OTUD7A: variants seen among roughly 807,000 people sequenced by gnomAD.
The protein encoded by OTUD7A is OTU deubiquitinase 7A, also known as OTU domain-containing protein 7A.
In OTUD7A, 12 loss-of-function variants were observed where a neutral mutation model predicts 65.7. The observed-to-expected ratio is 0.18, with a 90% CI of 0.12 to 0.30. The LOEUF (loss-of-function observed/expected upper bound fraction) is 0.30, where lower values mean the gene tolerates loss of function less well. OTUD7A is among the 10% of genes least tolerant of loss of function. The pLI is 1.00. For synonymous variants in OTUD7A, 641 were observed against 586.3 expected, an observed-to-expected ratio of 1.09 and a Z score of -1.35; for missense variants, 1,148 against 1,304.8, an observed-to-expected ratio of 0.88 and a Z score of 1.85.
At chr15:31,867,804 G>C (rs1262148756) in intron 1 of OTUD7A, among the ~76,000 whole-genome samples, 1 of 152,128 alleles carries the variant, frequency 6.6e-6, no homozygotes, top group East Asian at 1.9e-4. Context: ...CTCTGCTAGG[G>C]AGGCCTACAT....
intron 1 of OTUD7A, among the ~76,000 whole-genome samples, chr15:31,833,043 C>T (rs1457028397): frequency 6.6e-6 from 1 of 152,220 alleles, no homozygotes; most frequent in Non-Finnish European, 1.5e-5. Context: ...AGGGCTCCAA[C>T]TTCCCCAATT....
chr15:31,512,321 G>A (rs1415134098), intron 8 of OTUD7A, among the ~76,000 whole-genome samples: 5 of 152,094 alleles, frequency 3.3e-5, no homozygotes, highest in Non-Finnish European at 5.9e-5. Flanking sequence ...AGAGGAGCAC[G>A]CTCCCTTATG....
chr15:31,838,279 A>T (rs1019048372), intron 1 of OTUD7A, among the ~76,000 whole-genome samples: 1 of 152,238 alleles, frequency 6.6e-6, no homozygotes, highest in East Asian at 1.9e-4. Context: ...ATTGGACTTC[A>T]GCAACATTTA....
intron 1 of OTUD7A, among the ~76,000 whole-genome samples, chr15:31,679,545 T>C (rs1479734075): frequency 6.6e-6 from 1 of 152,060 alleles, no homozygotes; most frequent in Non-Finnish European, 1.5e-5. Context: ...GTTCTCATGA[T>C]AGTGAATGAG....
At chr15:31,849,803 C>T (rs1013201124) in intron 1 of OTUD7A, among the ~76,000 whole-genome samples, 6 of 152,180 alleles carry the variant, frequency 3.9e-5, no homozygotes, top group African/African-American at 1.4e-4. Context: ...TGAAAAAATG[C>T]TCATCATCAC....
chr15:31,753,460 C>G (rs1209865908), intron 1 of OTUD7A, among the ~76,000 whole-genome samples: 2 of 151,660 alleles, frequency 1.3e-5, no homozygotes, highest in Non-Finnish European at 2.9e-5. Flanking sequence ...CCTTCCCACT[C>G]TTTCCCCAAG....
chr15:31,677,197 A>G (rs1892612937), intron 1 of OTUD7A, among the ~76,000 whole-genome samples: 2 of 152,208 alleles, frequency 1.3e-5, no homozygotes, highest in Admixed American at 6.5e-5. Context: ...GATTCAGCAG[A>G]GAGTCAGTGA....
Position 31,522,100 on chromosome 15 carries a change from T to G in OTUD7A, c.893+4249A>C, listed in dbSNP as rs115744247. ...GGTTCTGGCTTTGTGTCTTTCAGGC[T>G]GTGGGACATTGGAAGCTAACCTGTG... On this transcript the variant is annotated intron_variant, in intron 8 of 12. Transcript: ENST00000307050. Among the ~76,000 whole-genome samples the G allele has an allele frequency of 5.2e-3, 792 of 152,336 alleles. 7 individuals are homozygous for G. Among genetic ancestry groups the G allele is most frequent in the African/African-American group, 0.018 (764 of 41,580 alleles).
In OTUD7A at chr15:31,479,089, C is replaced by G. The variant is rs1014160298; in HGVS notation, c.*4205G>C. ...GTCAGGAGTAAATGGGAAGGTGGTG[C>G]CTCAGATCTCTAGAGAGCCACCACT... On this transcript the variant is annotated 3_prime_UTR_variant, in exon 13 of 13. Transcript: ENST00000307050. 6.6e-6 allele frequency: 1 copy of G among 152,250 alleles called. No individual in the cohort carries two copies. Among genetic ancestry groups the G allele is most frequent in the Non-Finnish European group, 1.5e-5 (1 of 68,114 alleles). 9.4% of individuals were successfully genotyped at this position (152,250 alleles called of 1,614,324 possible). A position where few individuals can be genotyped will look rare whatever the true frequency, so the allele number is the denominator to read the frequency against.
At chr15:31,559,753 A>G (rs1186498436) in intron 4 of OTUD7A, among the ~76,000 whole-genome samples, 1 of 152,220 alleles carries the variant, frequency 6.6e-6, no homozygotes, top group African/African-American at 2.4e-5. Flanking sequence ...ATGTATTTGC[A>G]CACACAAATA....
intron 3 of OTUD7A, among the ~76,000 whole-genome samples, chr15:31,591,551 T>C (rs1889724570): frequency 6.6e-6 from 1 of 152,206 alleles, no homozygotes; most frequent in Non-Finnish European, 1.5e-5. Flanking sequence ...GTCATCGAGC[T>C]GGCCTTGGAC....
chr15:31,499,163 C>G (rs1435534065), intron 10 of OTUD7A, among the ~76,000 whole-genome samples: 1 of 152,218 alleles, frequency 6.6e-6, no homozygotes, highest in Non-Finnish European at 1.5e-5. Context: ...AAGAAGGGAG[C>G]CTTGTCTCAG....
At chr15:31,596,278 G>A (rs1438088859) in intron 3 of OTUD7A, among the ~76,000 whole-genome samples, 1 of 152,122 alleles carries the variant, frequency 6.6e-6, no homozygotes, top group African/African-American at 2.4e-5. Context: ...CTCAGAATAA[G>A]GTCTCTAGTT....
At chr15:31,543,323 A>G (rs144110350) in intron 5 of OTUD7A, among the ~76,000 whole-genome samples, 1 of 152,080 alleles carries the variant, frequency 6.6e-6, no homozygotes, top group East Asian at 1.9e-4. Flanking sequence ...TAGAATTTTT[A>G]AAAAGACATG....
intron 3 of OTUD7A, among the ~76,000 whole-genome samples, chr15:31,596,425 A>G (rs535710779): frequency 6.6e-6 from 1 of 152,218 alleles, no homozygotes; most frequent in Non-Finnish European, 1.5e-5. Flanking sequence ...TTGTGTGATT[A>G]TAAGTAAAGC....
chr15:31,785,284 C>T (rs1185860163), intron 1 of OTUD7A, among the ~76,000 whole-genome samples: 2 of 152,194 alleles, frequency 1.3e-5, no homozygotes, highest in Admixed American at 1.3e-4. Context: ...ATTTTCTCAG[C>T]TGGTCCTTTC....
chr15:31,688,387 T>C (rs1325152060), intron 1 of OTUD7A, among the ~76,000 whole-genome samples: 4 of 152,142 alleles, frequency 2.6e-5, no homozygotes, highest in South Asian at 2.1e-4. Context: ...AGGTCCAGAT[T>C]GTGCAGCACT....
At chr15:31,779,421 C>A (rs1211095192) in intron 1 of OTUD7A, among the ~76,000 whole-genome samples, 1 of 152,222 alleles carries the variant, frequency 6.6e-6, no homozygotes, top group Non-Finnish European at 1.5e-5. Context: ...ACCTCTGTTT[C>A]TCACACTGCC....
intron 3 of OTUD7A, among the ~76,000 whole-genome samples, chr15:31,647,693 T>C (rs1891716939): frequency 6.6e-6 from 1 of 152,000 alleles, no homozygotes; most frequent in African/African-American, 2.4e-5. Context: ...TCTGTCTCCA[T>C]GTGGGCAATT....
Sources: allele counts gnomAD v4.1 joint callset (sites outside exome capture counted in the v4.1 genomes callset), GRCh38; gene constraint gnomAD v4.1.1; transcripts MANE v1.5; gene names NCBI Gene and HGNC (gene_info 2026-07-23, HGNC 2026-07-21).